The following GLMN variants were observed in gnomAD, a reference collection of about 807,000 sequenced individuals.
GLMN encodes the protein glomulin.
A neutral mutation model predicts 87.8 loss-of-function variants in GLMN; 75 were observed. The ratio of observed to expected loss-of-function variants is 0.85; its 90% CI spans 0.71 to 1.04. The LOEUF (loss-of-function observed/expected upper bound fraction) is 1.04, where lower values mean the gene tolerates loss of function less well. Among genes scored for constraint, GLMN ranks in the 50% least tolerant of loss-of-function variants. GLMN has a pLI of 0.00. For missense variants in GLMN, 588 were observed against 658.8 expected (o/e 0.89, Z 1.18); for synonymous variants, 206 against 221.6 (o/e 0.93, Z 0.63).
the GLMN span, among the ~76,000 whole-genome samples, chr1:92,313,207 G>A: frequency 7.9e-5 from 12 of 152,260 alleles, no homozygotes; most frequent in African/African-American, 2.4e-4. Context: ...GAATCCTTTC[G>A]TGAAGGATTT....
the GLMN span, among the ~76,000 whole-genome samples, chr1:92,343,698 A>G: frequency 7.9e-5 from 12 of 152,282 alleles, no homozygotes; most frequent in East Asian, 1.7e-3. Flanking sequence ...TGAAGTACAC[A>G]AAGACTCTTG....
intron 16 of GLMN, among the ~76,000 whole-genome samples, chr1:92,251,718 T>TAA (rs1051135536): frequency 6.6e-6 from 1 of 152,118 alleles, no homozygotes. Flanking sequence ...GTAGAAGTTC[T>TAA]AAGTTGAAAA....
At chr1:92,282,134 T>G (rs1014718887) in intron 7 of GLMN, among the ~76,000 whole-genome samples, 1 of 152,208 alleles carries the variant, frequency 6.6e-6, no homozygotes, top group Non-Finnish European at 1.5e-5. Context: ...CTAATAGACA[T>G]CTACAGAACT....
the GLMN span, among the ~76,000 whole-genome samples, chr1:92,350,521 T>C: frequency 6.6e-6 from 1 of 152,242 alleles, no homozygotes; most frequent in Non-Finnish European, 1.5e-5. Flanking sequence ...AAAGGTACTA[T>C]ATAGTGAAAT....
At chr1:92,370,499 A>G in the GLMN span, among the ~76,000 whole-genome samples, 6 of 152,234 alleles carry the variant, frequency 3.9e-5, no homozygotes, top group Non-Finnish European at 7.3e-5. Context: ...GAAGAAGAAA[A>G]TAAAATCCTG....
intron 7 of GLMN, among the ~76,000 whole-genome samples, chr1:92,283,946 A>C (rs998369669): frequency 2.0e-5 from 3 of 152,182 alleles, no homozygotes; most frequent in Non-Finnish European, 4.4e-5. Context: ...GAGAACTACA[A>C]ACCACTGTTC....
chr1:92,278,206 C>T (rs1178897591), intron 7 of GLMN, among the ~76,000 whole-genome samples: 1 of 152,122 alleles, frequency 6.6e-6, no homozygotes, highest in Non-Finnish European at 1.5e-5. Flanking sequence ...ACCAGATTTC[C>T]TTTAATAGTT....
intron 16 of GLMN, among the ~76,000 whole-genome samples, chr1:92,254,898 C>G (rs974573961): frequency 3.9e-5 from 6 of 152,156 alleles, no homozygotes; most frequent in Admixed American, 6.5e-5. Context: ...ATCAAATTCA[C>G]AGATAACGAT....
In GLMN at chr1:92,246,484, TG is replaced by T. The variant is rs2100758661; in HGVS notation, c.*45del. On this transcript the variant is annotated 3_prime_UTR_variant, in exon 19 of 19. Coordinates refer to ENST00000370360, the MANE Select transcript of GLMN (RefSeq NM_053274.3). ...TATAAAGGTATTAAATGAATCATAA[TG>T]GAAAGTACTATATTTTATTAGTTTT... 1.2e-6 allele frequency: 1 copy of T among 849,806 alleles called. No homozygotes were observed. The highest frequency in any genetic ancestry group is 2.5e-5 in the East Asian group (1 of 40,476). The allele number at this position is 849,806 out of a possible 1,614,324, so 52.6% of individuals were successfully genotyped here. A position where few individuals can be genotyped will look rare whatever the true frequency, so the allele number is the denominator to read the frequency against.
the GLMN span, among the ~76,000 whole-genome samples, chr1:92,343,196 G>A: frequency 1.3e-5 from 2 of 152,152 alleles, no homozygotes; most frequent in Non-Finnish European, 2.9e-5. Context: ...TGAAAACCTG[G>A]TAAAGAAAAT....
At chr1:92,280,135 C>G (rs554884874) in intron 7 of GLMN, among the ~76,000 whole-genome samples, 2 of 152,210 alleles carry the variant, frequency 1.3e-5, no homozygotes, top group Non-Finnish European at 2.9e-5. Context: ...ATTCGAGCTC[C>G]GATAATAGAC....
At chr1:92,328,268 C>A in the GLMN span, among the ~76,000 whole-genome samples, 36 of 152,228 alleles carry the variant, frequency 2.4e-4, no homozygotes, top group East Asian at 9.6e-4. Flanking sequence ...TTTTAGATTT[C>A]TCTTCTTTCT....
At chr1:92,247,165 T>A in intron 17 of GLMN, 21 bp from the exon 18 acceptor site, 2 of 1,116,682 alleles carry the variant, frequency 1.8e-6, no homozygotes, top group Non-Finnish European at 2.7e-6. Context: ...AGAAAAATCA[T>A]GTGTGACACT....
chr1:92,336,097 T>C, the GLMN span, among the ~76,000 whole-genome samples: 2 of 152,186 alleles, frequency 1.3e-5, no homozygotes, highest in African/African-American at 2.4e-5. Context: ...GACAAGAATT[T>C]AAATAGCTGC....
chr1:92,251,193 C>T (rs2100788615), intron 16 of GLMN, among the ~76,000 whole-genome samples: 1 of 152,196 alleles, frequency 6.6e-6, no homozygotes, highest in East Asian at 1.9e-4. Flanking sequence ...TACTTGAGGT[C>T]AAGACTTCCT....
intron 16 of GLMN, among the ~76,000 whole-genome samples, chr1:92,257,112 TAAAC>T (rs1406611543): frequency 3.3e-5 from 5 of 150,314 alleles, no homozygotes; most frequent in African/African-American, 9.7e-5. Context: ...ACACCAATAA[TAAAC>T]AGAGAGCCAA....
intron 14 of GLMN, 68 bp downstream of exon 14, chr1:92,264,486 T>C: frequency 1.3e-6 from 1 of 762,084 alleles, no homozygotes; most frequent in Admixed American, 1.9e-5. Context: ...CACATTAATG[T>C]ATTCTACATA....
At chr1:92,309,271 GTC>G in the GLMN span, among the ~76,000 whole-genome samples, 1 of 151,964 alleles carries the variant, frequency 6.6e-6, no homozygotes, top group African/African-American at 2.4e-5. Flanking sequence ...GTGAAACCCT[GTC>G]TCTACTAAAA....
chr1:92,283,315 A>T (rs12076399), intron 7 of GLMN, among the ~76,000 whole-genome samples: 7,364 of 152,308 alleles, frequency 0.048, 607 homozygotes, highest in African/African-American at 0.17. Flanking sequence ...CCGGTTCAAC[A>T]TATGCAAATC....
Sources: allele counts gnomAD v4.1 joint callset (sites outside exome capture counted in the v4.1 genomes callset), GRCh38; gene constraint gnomAD v4.1.1; transcripts MANE v1.5; gene names NCBI Gene and HGNC (gene_info 2026-07-23, HGNC 2026-07-21).